EYA1: variants seen among roughly 807,000 people sequenced by gnomAD.
EYA1 encodes protein phosphatase EYA1.
Under a neutral mutation model 82.0 loss-of-function variants are expected in EYA1, and 16 were observed. The ratio of observed to expected loss-of-function variants is 0.20; its 90% CI spans 0.13 to 0.30. The LOEUF (loss-of-function observed/expected upper bound fraction) is 0.30. Ranked by LOEUF, EYA1 falls within the 10% of genes least tolerant of loss-of-function variation. The probability of loss-of-function intolerance (pLI) is 1.00; values close to 1 mark genes in which losing one functional copy is unlikely to be tolerated. For synonymous variants in EYA1, 261 were observed against 264.4 expected, an observed-to-expected ratio of 0.99 and a Z score of 0.12; for missense variants, 633 against 730.7, an observed-to-expected ratio of 0.87 and a Z score of 1.54.
At position 71,418,672 on chromosome 8, in the gene EYA1, T is replaced by A. The variant is rs115149883; in HGVS notation, c.34-62161A>T. On this transcript the variant is annotated intron_variant, in intron 2 of 18. Transcript: ENST00000643681. The stretch of plus-strand genomic sequence containing the variant: ...TTATTTTCATTTATTCAACAAATAT[T>A]CATTGAACACCATATTATATGCTAG... Among the ~76,000 whole-genome samples the A allele has an allele frequency of 7.8e-3, 1,186 of 152,320 alleles. 21 individuals are homozygous for A. The highest frequency in any genetic ancestry group is 0.027 in the African/African-American group (1,117 of 41,572).
At chr8:71,322,358 G>T (rs985132390) in intron 4 of EYA1, 90 bp from the exon 5 acceptor site, 22 of 1,151,020 alleles carry the variant, frequency 1.9e-5, no homozygotes, top group South Asian at 6.2e-5. Context: ...TCAACTATAG[G>T]TTGGCCATAT....
At chr8:71,430,189 G>A (rs1805514779) in intron 2 of EYA1, among the ~76,000 whole-genome samples, 2 of 152,132 alleles carry the variant, frequency 1.3e-5, no homozygotes, top group African/African-American at 4.8e-5. Context: ...CTTTATTAAA[G>A]ACTTATGTGC....
chr8:71,410,802 GC>G (rs1198677479), intron 2 of EYA1, among the ~76,000 whole-genome samples: 549 of 147,332 alleles, frequency 3.7e-3, no homozygotes, highest in Non-Finnish European at 6.6e-3. Context: ...TGGCCATACT[GC>G]CCAAGGTAAT....
At chr8:71,477,135 C>T (rs117821323) in intron 2 of EYA1, among the ~76,000 whole-genome samples, 2 of 152,194 alleles carry the variant, frequency 1.3e-5, no homozygotes, top group Non-Finnish European at 2.9e-5. Context: ...GGGAGAGACA[C>T]AGGATTACAT....
At chr8:71,233,249 T>C (rs1470724957) in intron 12 of EYA1, among the ~76,000 whole-genome samples, 1 of 152,222 alleles carries the variant, frequency 6.6e-6, no homozygotes, top group Non-Finnish European at 1.5e-5. Flanking sequence ...AAATTATTTC[T>C]GTATCATTTT....
rs369409234 is a variant in EYA1 at position 71,523,838 on chromosome 8, A to G, written c.33+11906T>C. On this transcript the variant is annotated intron_variant, in intron 2 of 18. Transcript: ENST00000643681. ...ACATGTATATCAATTTTGAGATACC[A>G]TATTTTAGAAAATTATCCTAGGGCA... is the stretch of plus-strand genomic sequence containing the variant. Among the ~76,000 whole-genome samples, 21 of 152,364 alleles carry G rather than the reference A, an allele frequency of 1.4e-4. No individual in the cohort carries two copies. In the East Asian group the frequency reaches 3.5e-3, roughly 25 times the overall value.
intron 11 of EYA1, among the ~76,000 whole-genome samples, chr8:71,256,864 T>G (rs2128925084): frequency 6.6e-6 from 1 of 152,154 alleles, no homozygotes; most frequent in East Asian, 1.9e-4. Flanking sequence ...CTGGGCATGG[T>G]GGCGCATGCC....
intron 16 of EYA1, among the ~76,000 whole-genome samples, chr8:71,214,123 G>A (rs1181277381): frequency 6.6e-6 from 1 of 152,058 alleles, no homozygotes; most frequent in Non-Finnish European, 1.5e-5. Flanking sequence ...TTCCATTTTT[G>A]CCCCTTTTTA....
At chr8:71,466,434 A>C (rs1342006649) in intron 2 of EYA1, among the ~76,000 whole-genome samples, 1 of 152,186 alleles carries the variant, frequency 6.6e-6, no homozygotes, top group Admixed American at 6.5e-5. Flanking sequence ...TTTACAGTTA[A>C]CATGAGTGAT....
At chr8:71,503,021 A>G (rs1019599917) in intron 2 of EYA1, among the ~76,000 whole-genome samples, 1 of 152,168 alleles carries the variant, frequency 6.6e-6, no homozygotes, top group African/African-American at 2.4e-5. Flanking sequence ...CATTATACGT[A>G]TGATACTGAA....
chr8:71,442,659 G>T (rs1011854462), intron 2 of EYA1, among the ~76,000 whole-genome samples: 3 of 152,120 alleles, frequency 2.0e-5, no homozygotes, highest in Non-Finnish European at 4.4e-5. Context: ...ATTATGGCAG[G>T]TACTTTGCTA....
chr8:71,484,388 T>A (rs1810402413), intron 2 of EYA1, among the ~76,000 whole-genome samples: 1 of 152,206 alleles, frequency 6.6e-6, no homozygotes. Context: ...AATTCTAAAG[T>A]GGCAGGCAAA....
intron 11 of EYA1, among the ~76,000 whole-genome samples, chr8:71,249,404 ATAT>A (rs970819118): frequency 1.3e-5 from 2 of 149,358 alleles, no homozygotes; most frequent in African/African-American, 5.1e-5. Context: ...GGAAGCAAAC[ATAT>A]TCTTCTTCAC....
intron 12 of EYA1, among the ~76,000 whole-genome samples, chr8:71,237,140 C>T (rs1811940034): frequency 6.6e-6 from 1 of 151,986 alleles, no homozygotes; most frequent in Non-Finnish European, 1.5e-5. Flanking sequence ...CAACCTCCGC[C>T]TCCCGGGTTC....
chr8:71,454,120 C>A (rs1415286565), intron 2 of EYA1, among the ~76,000 whole-genome samples: 1 of 152,104 alleles, frequency 6.6e-6, no homozygotes, highest in Non-Finnish European at 1.5e-5. Context: ...GGGTTACAAT[C>A]CTAGTCTCTG....
chr8:71,383,391 A>C (rs1174565361), intron 2 of EYA1, among the ~76,000 whole-genome samples: 1 of 152,110 alleles, frequency 6.6e-6, no homozygotes, highest in Admixed American at 6.6e-5. Flanking sequence ...ACTATCCACC[A>C]CAATACTGTT....
chr8:71,518,097 A>G (rs1813117559), intron 2 of EYA1, among the ~76,000 whole-genome samples: 1 of 152,212 alleles, frequency 6.6e-6, no homozygotes, highest in South Asian at 2.1e-4. Flanking sequence ...TAGAAATTTT[A>G]ATTTCTTCCC....
chr8:71,348,281 T>C (rs1825957166), intron 3 of EYA1, among the ~76,000 whole-genome samples: 1 of 152,122 alleles, frequency 6.6e-6, no homozygotes, highest in Non-Finnish European at 1.5e-5. Flanking sequence ...TCATAAGAAA[T>C]CAGGAATTAC....
intron 12 of EYA1, among the ~76,000 whole-genome samples, chr8:71,228,280 G>C (rs902209113): frequency 6.6e-6 from 1 of 152,036 alleles, no homozygotes; most frequent in African/African-American, 2.4e-5. Flanking sequence ...CATCCCTTCT[G>C]AATCTTCTTT....
Sources: gnomAD v4.1 joint callset for allele counts (sites outside exome capture counted in the v4.1 genomes callset) on GRCh38, gnomAD v4.1.1 for gene constraint, MANE v1.5 for transcripts, NCBI Gene and HGNC (gene_info 2026-07-23, HGNC 2026-07-21) for gene names.